The following RGS20 variants were observed in gnomAD, a reference collection of about 807,000 sequenced individuals.
The protein encoded by RGS20 is gz-selective GTPase-activating protein.
In RGS20, 30 loss-of-function variants were observed where a neutral mutation model predicts 33.6. The ratio of observed to expected loss-of-function variants is 0.89; its 90% CI spans 0.67 to 1.21. The LOEUF (loss-of-function observed/expected upper bound fraction) is 1.21. Ranked by LOEUF, RGS20 falls within the 50% of genes most tolerant of loss-of-function variation. The probability of loss-of-function intolerance (pLI) is 0.00; values close to 1 mark genes in which losing one functional copy is unlikely to be tolerated. For missense variants in RGS20, 472 were observed against 502.4 expected (o/e 0.94, Z 0.58); for synonymous variants, 208 against 197.9 (o/e 1.05, Z -0.43).
intron 4 of RGS20, among the ~76,000 whole-genome samples, chr8:53,950,400 T>C (rs1258641311): frequency 6.6e-6 from 1 of 152,102 alleles, no homozygotes; most frequent in Non-Finnish European, 1.5e-5. Context: ...TTTTTCAGAT[T>C]TCGGAATATT....
At chr8:53,890,529 C>A (rs1812684500) in intron 2 of RGS20, among the ~76,000 whole-genome samples, 1 of 152,146 alleles carries the variant, frequency 6.6e-6, no homozygotes, top group Non-Finnish European at 1.5e-5. Context: ...CTTCCACCAG[C>A]AAGGATTGAA....
intron 2 of RGS20, among the ~76,000 whole-genome samples, chr8:53,906,383 GA>G (rs201574202): frequency 4.1e-5 from 6 of 147,228 alleles, no homozygotes; most frequent in East Asian, 4.2e-4. Flanking sequence ...CTCAAAAAAA[GA>G]AAAAAAAACA....
chr8:53,884,960 A>G (rs1812497593), intron 2 of RGS20, among the ~76,000 whole-genome samples: 1 of 152,252 alleles, frequency 6.6e-6, no homozygotes, highest in African/African-American at 2.4e-5. Context: ...TGCATATTCT[A>G]TTAATCTCCT....
At chr8:53,875,505 T>G (rs902114252) in intron 1 of RGS20, among the ~76,000 whole-genome samples, 3 of 151,286 alleles carry the variant, frequency 2.0e-5, no homozygotes, top group Non-Finnish European at 4.4e-5. Context: ...GTCCCTTACT[T>G]GGCTAGTAAT....
chr8:53,905,670 G>A (rs1255962780), intron 2 of RGS20, among the ~76,000 whole-genome samples: 1 of 150,642 alleles, frequency 6.6e-6, no homozygotes, highest in Non-Finnish European at 1.5e-5. Context: ...CTTGCAGTAC[G>A]TGATTCAGAG....
In RGS20 at chr8:53,889,574, G is replaced by A. The variant is rs193214653; in HGVS notation, c.510+9972G>A. On this transcript the variant is annotated intron_variant, in intron 2 of 5. Coordinates refer to ENST00000297313, the MANE Select transcript of RGS20 (RefSeq NM_170587.4). ...TTTTTATTTTGGATATTGGGAAGGG[G>A]TAGAGATGGGGTTTCACCATGTTGC... 6.6e-5 allele frequency among the ~76,000 whole-genome samples: 10 copies of A among 151,472 alleles called. 1 individual carries two copies. Among genetic ancestry groups the A allele is most frequent in the Admixed American group, 5.9e-4 (9 of 15,198 alleles).
Position 53,939,565 on chromosome 8 carries a change from C to G in RGS20, c.511-11C>G, listed in dbSNP as rs903869414. On this transcript the variant is annotated splice_polypyrimidine_tract_variant and intron_variant, in intron 2 of 5. Transcript: ENST00000297313. ...CCCCTCCCGCCCGCTTTGTTCCTCT[C>G]CCTCTTGCAGCAGATGGGATCAGAG... 6.5e-6 allele frequency: 10 copies of G among 1,529,510 alleles called. No homozygotes were observed. The Admixed American group carries it at 1.3e-4, about 19-fold the overall frequency. The allele number at this position is 1,529,510 out of a possible 1,614,324, so 94.7% of individuals were successfully genotyped here.
At chr8:53,945,703 GT>G (rs1446146490) in intron 3 of RGS20, among the ~76,000 whole-genome samples, 1 of 152,078 alleles carries the variant, frequency 6.6e-6, no homozygotes, top group Admixed American at 6.5e-5. Context: ...ATCACTTGAG[GT>G]TAGGAGTTTG....
intron 2 of RGS20, among the ~76,000 whole-genome samples, chr8:53,919,069 C>A (rs180840325): frequency 3.1e-4 from 47 of 152,314 alleles, no homozygotes; most frequent in Non-Finnish European, 4.9e-4. Context: ...CATCCTAACA[C>A]TAATTGTCTA....
chr8:53,889,772 C>T (rs1425031381), intron 2 of RGS20, among the ~76,000 whole-genome samples: 1 of 150,338 alleles, frequency 6.7e-6, no homozygotes, highest in Non-Finnish European at 1.5e-5. Flanking sequence ...TGCTGCAAAT[C>T]TCTTCTTCCA....
chr8:53,881,058 C>A, intron 2 of RGS20: 1 of 1,552,074 alleles, frequency 6.4e-7, no homozygotes, highest in East Asian at 2.3e-5. Flanking sequence ...GGCTTCCTCC[C>A]CGGCCGGCAG....
intron 2 of RGS20, among the ~76,000 whole-genome samples, chr8:53,930,895 CT>C (rs995451149): frequency 1.3e-5 from 2 of 152,122 alleles, no homozygotes; most frequent in African/African-American, 4.8e-5. Flanking sequence ...TTCAAAACAT[CT>C]TGGTTTGGAG....
At chr8:53,945,884 C>T (rs986859703) in intron 3 of RGS20, among the ~76,000 whole-genome samples, 1 of 138,722 alleles carries the variant, frequency 7.2e-6, no homozygotes, top group African/African-American at 2.7e-5. Flanking sequence ...AAGACTTGGT[C>T]TCCAAAAAAA....
chr8:53,885,790 CTTT>C (rs1172257852), intron 2 of RGS20, among the ~76,000 whole-genome samples: 3,466 of 112,704 alleles, frequency 0.031, 112 homozygotes, highest in African/African-American at 0.11. Context: ...GTATCTTACT[CTTT>C]TTTTTTTTTT....
chr8:53,857,513 AG>A (rs1192833677), intron 1 of RGS20, among the ~76,000 whole-genome samples: 1 of 152,246 alleles, frequency 6.6e-6, no homozygotes, highest in East Asian at 1.9e-4. Context: ...GGGGGGATGG[AG>A]AAAGGGAAGA....
intron 3 of RGS20, 35 bp downstream of exon 2, chr8:53,939,759 G>T (rs1814237762): frequency 6.5e-7 from 1 of 1,534,510 alleles, no homozygotes; most frequent in African/African-American, 1.4e-5. Context: ...ATGTGCTCCT[G>T]ACTGGGAAGT....
intron 4 of RGS20, among the ~76,000 whole-genome samples, chr8:53,950,424 C>T (rs184288370): frequency 5.9e-5 from 9 of 152,228 alleles, no homozygotes; most frequent in Admixed American, 3.9e-4. Flanking sequence ...ATTATACTTA[C>T]CAGTTGAACA....
rs1456858186 is a variant in RGS20 at position 53,877,304 on chromosome 8, C to T, written c.166-1954C>T. Reference sequence around the variant, plus strand: ...GTCCCGCCGGCCCTGCCGCCCGTGGCCGCCGAAGTTCCCGCCCTCGCCGAG... The same window carrying T: ...GTCCCGCCGGCCCTGCCGCCCGTGGTCGCCGAAGTTCCCGCCCTCGCCGAG... On this transcript the variant is annotated intron_variant, in intron 1 of 5. Transcript: ENST00000297313. This position sits in a 1 kb window ranked among gnomAD's most constrained non-coding sequence, Gnocchi z 5.7. 6.6e-6 allele frequency among the ~76,000 whole-genome samples: 1 copy of T among 152,202 alleles called. No homozygotes were observed. Among genetic ancestry groups the T allele is most frequent in the Non-Finnish European group, 1.5e-5 (1 of 68,034 alleles).
intron 1 of RGS20, among the ~76,000 whole-genome samples, chr8:53,866,728 G>A (rs927014032): frequency 1.3e-5 from 2 of 152,126 alleles, no homozygotes; most frequent in African/African-American, 4.8e-5. Context: ...CGTGGGGAAT[G>A]GAGTGGGGTG....
Sources: allele counts gnomAD v4.1 joint callset (sites outside exome capture counted in the v4.1 genomes callset), GRCh38; gene constraint gnomAD v4.1.1; non-coding constraint Gnocchi (gnomAD v3.1); transcripts MANE v1.5; gene names NCBI Gene and HGNC (gene_info 2026-07-23, HGNC 2026-07-21).